The following PLXDC2 variants were observed in gnomAD, a reference collection of about 807,000 sequenced individuals.
PLXDC2 encodes the protein plexin domain-containing protein 2.
PLXDC2 carries 40 observed loss-of-function variants against 68.9 expected under a neutral mutation model. The ratio of observed to expected loss-of-function variants is 0.58; its 90% CI spans 0.45 to 0.76. PLXDC2 has a LOEUF of 0.76. Ranked by LOEUF, PLXDC2 falls within the 30% of genes least tolerant of loss-of-function variation. The pLI is 0.00. For missense variants in PLXDC2, 644 were observed against 661.9 expected (o/e 0.97, Z 0.30); for synonymous variants, 243 against 234.2 (o/e 1.04, Z -0.34).
At chr10:19,941,336 C>T (rs1181017532) in intron 1 of PLXDC2, among the ~76,000 whole-genome samples, 28 of 152,326 alleles carry the variant, frequency 1.8e-4, no homozygotes, top group Non-Finnish European at 1.3e-4. Context: ...CTCTCTTGGA[C>T]CTGGGAATTG....
chr10:20,272,752 C>T (rs73605624), intron 13 of PLXDC2, among the ~76,000 whole-genome samples: 1,781 of 152,314 alleles, frequency 0.012, 34 homozygotes, highest in African/African-American at 0.039. Flanking sequence ...ATATTCCTCC[C>T]TGAAAGAAAC....
rs544210741 is a variant in PLXDC2, at chr10:19,820,385, A to G, written c.112+3194A>G. Among the ~76,000 whole-genome samples the G allele has an allele frequency of 2.0e-5, 3 of 151,750 alleles. No homozygotes were observed. In the South Asian group the frequency reaches 6.3e-4, roughly 32 times the overall value. ...GGTGGCTCACGCCTGTAATCCCAGC[A>G]CTTTGGGAGGCCGAGGCGGGTGGAT... On this transcript the variant is annotated intron_variant, in intron 1 of 13. Coordinates refer to ENST00000377252, the MANE Select transcript of PLXDC2 (RefSeq NM_032812.9).
rs1383250631 is a variant in PLXDC2 at position 20,117,881 on chromosome 10, A to C, written c.542-25414A>C. Among the ~76,000 whole-genome samples the C allele has an allele frequency of 1.3e-5, 2 of 152,186 alleles. 1 individual carries two copies. Among genetic ancestry groups the C allele is most frequent in the African/African-American group, 4.8e-5 (2 of 41,440 alleles). Reference sequence around the variant, plus strand: ...AGGTATGTGTATCTGGGTCAACAAAATGAAAAAGACCACGGCTGAAATGCT... The same window carrying C: ...AGGTATGTGTATCTGGGTCAACAAACTGAAAAAGACCACGGCTGAAATGCT... On this transcript the variant is annotated intron_variant, in intron 4 of 13. Coordinates refer to ENST00000377252, the MANE Select transcript of PLXDC2 (RefSeq NM_032812.9).
rs554794870 is a variant in PLXDC2, at chr10:20,244,201, T to G, written c.1313-1144T>G. Among the ~76,000 whole-genome samples the G allele has an allele frequency of 2.0e-3, 304 of 152,348 alleles. 4 individuals carry two copies. Among genetic ancestry groups the G allele is most frequent in the African/African-American group, 6.9e-3 (286 of 41,588 alleles). On this transcript the variant is annotated intron_variant, in intron 12 of 13. Coordinates refer to ENST00000377252, the MANE Select transcript of PLXDC2 (RefSeq NM_032812.9). ...ATGGTGCACTTAAGATACAACTTAC[T>G]GTATCTTACAATTATACTGCACATA...
Position 20,282,678 on chromosome 10 carries a change from T to A in PLXDC2, c.*2859T>A, listed in dbSNP as rs1002051160. 6 of 152,166 alleles carry A rather than the reference T, an allele frequency of 3.9e-5. No individual in the cohort carries two copies. The highest frequency in any genetic ancestry group is 8.8e-5 in the Non-Finnish European group (6 of 68,024). The allele number at this position is 152,166 out of a possible 1,614,324, so 9.4% of individuals were successfully genotyped here. Reference sequence around the variant, plus strand: ...CTACTGCTCAAGGTCATCACCAAGGTCTGGTTGCAAAAATTCAAAAAATTG... The same window carrying A: ...CTACTGCTCAAGGTCATCACCAAGGACTGGTTGCAAAAATTCAAAAAATTG... On this transcript the variant is annotated 3_prime_UTR_variant, in exon 14 of 14. Coordinates refer to ENST00000377252, the MANE Select transcript of PLXDC2 (RefSeq NM_032812.9).
chr10:20,201,732 C>T (rs1012263093), intron 9 of PLXDC2, among the ~76,000 whole-genome samples: 6 of 151,862 alleles, frequency 4.0e-5, no homozygotes, highest in African/African-American at 1.5e-4. Context: ...ACTACATACC[C>T]CATTAAATAT....
chr10:19,993,428 A>T (rs1480982827), intron 1 of PLXDC2, among the ~76,000 whole-genome samples: 1 of 152,050 alleles, frequency 6.6e-6, no homozygotes, highest in East Asian at 1.9e-4. Context: ...TTATTTATTC[A>T]TTTATTTTTG....
chr10:19,883,884 CTTT>C lies in PLXDC2; in HGVS notation c.112+66718_112+66720del, dbSNP rs397846779. On this transcript the variant is annotated intron_variant, in intron 1 of 13. Coordinates refer to ENST00000377252, the MANE Select transcript of PLXDC2 (RefSeq NM_032812.9). ...ATTACTGTCTCCAGATCCCTTTAAACTTTTTTTTTTTTTTTTTTTTTTTTTTTA... is the reference window on the plus strand; with the variant it reads ...ATTACTGTCTCCAGATCCCTTTAAACTTTTTTTTTTTTTTTTTTTTTTTTA... 5.1e-3 allele frequency among the ~76,000 whole-genome samples: 280 copies of C among 55,088 alleles called. 4 individuals are homozygous for C. Among genetic ancestry groups the C allele is most frequent in the African/African-American group, 0.023 (250 of 10,828 alleles). The allele number at this position is 55,088 out of a possible 152,430, so 36.1% of individuals were successfully genotyped here. A position where few individuals can be genotyped will look rare whatever the true frequency, so the allele number is the denominator to read the frequency against.
chr10:20,149,239 T>C (rs545117902), intron 6 of PLXDC2, among the ~76,000 whole-genome samples: 1 of 126,808 alleles, frequency 7.9e-6, no homozygotes, highest in South Asian at 2.8e-4. Flanking sequence ...CTTTTTTTTT[T>C]TTTTTTTTTT....
chr10:19,886,091 T>A (rs1238601165), intron 1 of PLXDC2, among the ~76,000 whole-genome samples: 1 of 152,196 alleles, frequency 6.6e-6, no homozygotes, highest in African/African-American at 2.4e-5. Context: ...GGTGGATTCC[T>A]AGGTATTTTA....
intron 6 of PLXDC2, among the ~76,000 whole-genome samples, chr10:20,155,952 T>A (rs1207565067): frequency 6.6e-6 from 1 of 152,144 alleles, no homozygotes; most frequent in East Asian, 1.9e-4. Flanking sequence ...CGATCTCAGC[T>A]CGCTGCAACC....
At chr10:19,836,220 G>C (rs534482342) in intron 1 of PLXDC2, among the ~76,000 whole-genome samples, 1 of 151,998 alleles carries the variant, frequency 6.6e-6, no homozygotes, top group African/African-American at 2.4e-5. Flanking sequence ...GTAAATGACA[G>C]AGAGGGAGTG....
intron 1 of PLXDC2, among the ~76,000 whole-genome samples, chr10:19,828,411 G>A (rs1259258219): frequency 6.6e-6 from 1 of 152,152 alleles, no homozygotes; most frequent in East Asian, 1.9e-4. Context: ...GTACAATTTT[G>A]TTGTTTGATT....
At chr10:20,114,893 C>G (rs1409603131) in intron 4 of PLXDC2, among the ~76,000 whole-genome samples, 1 of 152,166 alleles carries the variant, frequency 6.6e-6, no homozygotes, top group East Asian at 1.9e-4. Flanking sequence ...GCAATTCACA[C>G]TTGAAACCCA....
chr10:20,103,171 G>T (rs1479715543), intron 4 of PLXDC2, among the ~76,000 whole-genome samples: 1 of 151,972 alleles, frequency 6.6e-6, no homozygotes, highest in Non-Finnish European at 1.5e-5. Context: ...ACTTTTAGGG[G>T]CCCCCAAAAT....
chr10:19,906,121 AAAG>A (rs1432485197), intron 1 of PLXDC2, among the ~76,000 whole-genome samples: 6 of 152,158 alleles, frequency 3.9e-5, no homozygotes, highest in Non-Finnish European at 2.9e-5. Context: ...GGAGCAAAAT[AAAG>A]AAGAGAGAGG....
chr10:20,093,307 A>G (rs564201754), intron 4 of PLXDC2, among the ~76,000 whole-genome samples: 1 of 152,176 alleles, frequency 6.6e-6, no homozygotes, highest in Admixed American at 6.5e-5. Context: ...AGGAGAATGT[A>G]TGAGAAATAT....
intron 7 of PLXDC2, among the ~76,000 whole-genome samples, chr10:20,172,417 G>A: frequency 6.6e-6 from 1 of 152,060 alleles, no homozygotes; most frequent in East Asian, 1.9e-4. Flanking sequence ...TGCCTCACCG[G>A]CCCACTGTGA....
intron 13 of PLXDC2, among the ~76,000 whole-genome samples, chr10:20,250,271 C>CAAAA (rs35463564): frequency 1.2e-4 from 13 of 108,440 alleles, no homozygotes; most frequent in African/African-American, 2.5e-4. Context: ...GATCCTGTTT[C>CAAAA]AAAAAAAAAA....
Sources: allele counts gnomAD v4.1 joint callset (sites outside exome capture counted in the v4.1 genomes callset), GRCh38; gene constraint gnomAD v4.1.1; transcripts MANE v1.5; gene names NCBI Gene and HGNC (gene_info 2026-07-23, HGNC 2026-07-21).